Variants in PLAAT1 observed in about 807,000 individuals in gnomAD.
PLAAT1 encodes the protein phospholipase A and acyltransferase 1.
In PLAAT1, 13 loss-of-function variants were observed where a neutral mutation model predicts 16.4. The observed-to-expected ratio is 0.79, with a 90% CI of 0.52 to 1.26. PLAAT1 has a LOEUF of 1.26. PLAAT1 is among the 50% of genes most tolerant of loss of function. PLAAT1 has a pLI of 0.00. For synonymous variants in PLAAT1, 73 were observed against 78.4 expected (o/e 0.93, Z 0.36); for missense variants, 218 against 207.8 (o/e 1.05, Z -0.30).
chr3:193,244,561 G>A (rs537501502), intron 1 of PLAAT1, among the ~76,000 whole-genome samples: 1 of 151,702 alleles, frequency 6.6e-6, no homozygotes, highest in South Asian at 2.1e-4. Flanking sequence ...TCAAACTAAT[G>A]TATTAGTTCA....
At chr3:193,276,726 G>GA (rs1340575419) in intron 2 of PLAAT1, 1 of 1,520,132 alleles carries the variant, frequency 6.6e-7, no homozygotes, top group South Asian at 1.2e-5. Context: ...TATCTTCCTA[G>GA]AAAAAATATA....
intron 2 of PLAAT1, among the ~76,000 whole-genome samples, chr3:193,258,605 A>G (rs757796221): frequency 9.9e-5 from 15 of 152,192 alleles, no homozygotes; most frequent in Non-Finnish European, 1.9e-4. Context: ...AGGTCCCTAG[A>G]GACTATTATG....
intron 1 of PLAAT1, among the ~76,000 whole-genome samples, chr3:193,253,455 T>C (rs1246417189): frequency 2.0e-5 from 3 of 152,214 alleles, no homozygotes; most frequent in African/African-American, 4.8e-5. Flanking sequence ...GTCTCTCTTA[T>C]CATCCACCTG....
chr3:193,240,687 T>TGTGTGTGTGTG (rs1277878870), upstream of PLAAT1, among the ~76,000 whole-genome samples: 2 of 46,116 alleles, frequency 4.3e-5, no homozygotes, highest in East Asian at 1.3e-3. Flanking sequence ...GTGTGTGTGG[T>TGTGTGTGTGTG]TGGAGGTCTC....
At position 193,257,901 on chromosome 3, in the gene PLAAT1, T is replaced by C. The variant is rs952227078; in HGVS notation, c.139+2112T>C. Among the ~76,000 whole-genome samples, 4 of 152,138 alleles carry C rather than the reference T, an allele frequency of 2.6e-5. No individual in the cohort carries two copies. In the South Asian group the frequency reaches 8.3e-4, roughly 31 times the overall value. ...TGCCCTTGAACATCCGACTCCAAGTTCTTAAGCTTTTGGATTCTTGGACCT... is the reference window on the plus strand; with the variant it reads ...TGCCCTTGAACATCCGACTCCAAGTCCTTAAGCTTTTGGATTCTTGGACCT... On this transcript the variant is annotated intron_variant, in intron 2 of 3. Coordinates refer to ENST00000264735, the MANE Select transcript of PLAAT1 (RefSeq NM_020386.5).
intron 2 of PLAAT1, among the ~76,000 whole-genome samples, chr3:193,260,640 T>C (rs1349200903): frequency 1.3e-5 from 2 of 151,370 alleles, no homozygotes; most frequent in Non-Finnish European, 2.9e-5. Flanking sequence ...AAAACCACAA[T>C]GAGATACCAT....
intron 1 of PLAAT1, among the ~76,000 whole-genome samples, chr3:193,248,006 CA>C (rs1716044179): frequency 6.6e-6 from 1 of 152,106 alleles, no homozygotes; most frequent in African/African-American, 2.4e-5. Context: ...TAGATCTGTC[CA>C]ATGTTGAAAG....
chr3:193,280,870 G>A (rs573147457), downstream of PLAAT1, among the ~76,000 whole-genome samples: 1 of 152,100 alleles, frequency 6.6e-6, no homozygotes, highest in Non-Finnish European at 1.5e-5. Flanking sequence ...TTTATTCAGT[G>A]TTGATCTACT....
At chr3:193,253,530 T>G (rs1365491794) in intron 1 of PLAAT1, among the ~76,000 whole-genome samples, 1 of 152,148 alleles carries the variant, frequency 6.6e-6, no homozygotes, top group Non-Finnish European at 1.5e-5. Flanking sequence ...AAGGGTTACT[T>G]GCGACAGCTT....
At chr3:193,244,136 G>T (rs575469188) in intron 1 of PLAAT1, among the ~76,000 whole-genome samples, 1 of 152,164 alleles carries the variant, frequency 6.6e-6, no homozygotes, top group African/African-American at 2.4e-5. Flanking sequence ...ACCACCCTTT[G>T]AAGGTCATCT....
chr3:193,268,212 G>T (rs2108802792), intron 3 of PLAAT1, among the ~76,000 whole-genome samples: 1 of 152,122 alleles, frequency 6.6e-6, no homozygotes, highest in Admixed American at 6.5e-5. Context: ...CTCTATCTTT[G>T]TCAAAGATGG....
upstream of PLAAT1, among the ~76,000 whole-genome samples, chr3:193,240,804 G>A (rs893310628): frequency 6.6e-6 from 1 of 152,158 alleles, no homozygotes; most frequent in African/African-American, 2.4e-5. Context: ...AAGACCCAGA[G>A]GCTTTCTTGG....
At chr3:193,244,476 T>C (rs547118023) in intron 1 of PLAAT1, among the ~76,000 whole-genome samples, 2 of 152,194 alleles carry the variant, frequency 1.3e-5, no homozygotes, top group South Asian at 2.1e-4. Context: ...TTGTTTTTTT[T>C]TTTTAAATTG....
chr3:193,272,530 C>T (rs1717019646), downstream of PLAAT1, among the ~76,000 whole-genome samples: 1 of 152,100 alleles, frequency 6.6e-6, no homozygotes, highest in Non-Finnish European at 1.5e-5. Context: ...AATGTGTTAC[C>T]TTTCCCAAGG....
At chr3:193,268,929 C>T (rs1716877016) in intron 3 of PLAAT1, among the ~76,000 whole-genome samples, 1 of 152,150 alleles carries the variant, frequency 6.6e-6, no homozygotes, top group South Asian at 2.1e-4. Flanking sequence ...CCGTACCCTG[C>T]TACCATTTGA....
chr3:193,255,856 G>A, intron 2 of PLAAT1, 67 bp downstream of exon 2: 2 of 1,328,362 alleles, frequency 1.5e-6, no homozygotes, highest in Non-Finnish European at 2.0e-6. Context: ...AAGTAATCAT[G>A]GGTGAAATAA....
chr3:193,244,225 C>A (rs1371420339), intron 1 of PLAAT1, among the ~76,000 whole-genome samples: 1 of 152,014 alleles, frequency 6.6e-6, no homozygotes, highest in Non-Finnish European at 1.5e-5. Context: ...GGCTATAAAT[C>A]TTCATTGTCT....
intron 3 of PLAAT1, among the ~76,000 whole-genome samples, chr3:193,267,240 G>A (rs1378912066): frequency 2.6e-5 from 4 of 151,948 alleles, no homozygotes; most frequent in Non-Finnish European, 4.4e-5. Flanking sequence ...TTTACATTAG[G>A]GTTCGCTGGT....
At chr3:193,252,154 G>A (rs901565868) in intron 1 of PLAAT1, among the ~76,000 whole-genome samples, 2 of 152,066 alleles carry the variant, frequency 1.3e-5, no homozygotes, top group African/African-American at 4.8e-5. Context: ...GAATGCAATG[G>A]GGGACCAGGT....
Sources: allele counts gnomAD v4.1 joint callset (sites outside exome capture counted in the v4.1 genomes callset), GRCh38; gene constraint gnomAD v4.1.1; transcripts MANE v1.5; gene names NCBI Gene and HGNC (gene_info 2026-07-23, HGNC 2026-07-21).